Variants in EVC2 observed in about 807,000 individuals in gnomAD.
The protein encoded by EVC2 is limbin.
A neutral mutation model predicts 149.3 loss-of-function variants in EVC2; 148 were observed. That is an observed-to-expected ratio of 0.99 (90% CI 0.87 to 1.14). The LOEUF (loss-of-function observed/expected upper bound fraction) is 1.14. Ranked by LOEUF, EVC2 falls within the 50% of genes most tolerant of loss-of-function variation. The pLI, the probability that EVC2 is intolerant of heterozygous loss-of-function variation, is 0.00. For synonymous variants in EVC2, 776 were observed against 649.9 expected (o/e 1.19, Z -2.95); for missense variants, 1,854 against 1,627.3 (o/e 1.14, Z -2.40).
chr4:5,577,313 C>A (rs1722992231), intron 17 of EVC2, among the ~76,000 whole-genome samples: 1 of 152,178 alleles, frequency 6.6e-6, no homozygotes, highest in East Asian at 1.9e-4. Context: ...CATTCTTAGG[C>A]CACCAGGATT....
At chr4:5,529,500 T>G in the EVC2 span, among the ~76,000 whole-genome samples, 2 of 152,204 alleles carry the variant, frequency 1.3e-5, no homozygotes, top group South Asian at 4.1e-4. The surrounding 1 kb of genome is among the most constrained non-coding windows in gnomAD (Gnocchi z 4.5). Context: ...TTTGTTATTT[T>G]CTCACATGCC....
intron 16 of EVC2, among the ~76,000 whole-genome samples, chr4:5,598,109 G>C (rs1478526462): frequency 2.0e-5 from 3 of 149,924 alleles, no homozygotes; most frequent in Non-Finnish European, 4.5e-5. Flanking sequence ...CTCATGGGTA[G>C]GAAGAATCAA....
Position 5,691,299 on chromosome 4 carries a change from G to C in EVC2, c.485C>G (p.Ser162Cys). The C allele has an allele frequency of 6.2e-7, 1 of 1,613,588 alleles. No individual in the cohort carries two copies. The highest frequency in any genetic ancestry group is 8.5e-7 in the Non-Finnish European group (1 of 1,179,690). ...TTTCTGAAAAATTACTCCATTTTCA[G>C]AAGTCCCTTGAACTTCTCTTGAAAT... ...GDISREVQGT[S>C]ENGVIFQKCA... Residue 162 changes from serine (S) to cysteine (C), a missense_variant, in exon 4 of 22, where the codon TCT becomes TGT. By Grantham distance (112) the Ser-to-Cys change is moderately radical. Transcript: ENST00000344408.
intron 21 of EVC2, among the ~76,000 whole-genome samples, chr4:5,551,541 C>T (rs532295941): frequency 6.6e-6 from 1 of 152,160 alleles, no homozygotes; most frequent in Non-Finnish European, 1.5e-5. Flanking sequence ...ATTTTACAGG[C>T]TCATAGGTGG....
At chr4:5,655,512 T>G (rs1361696145) in intron 9 of EVC2, among the ~76,000 whole-genome samples, 1 of 152,108 alleles carries the variant, frequency 6.6e-6, no homozygotes, top group Non-Finnish European at 1.5e-5. Flanking sequence ...CTGCTGGAAA[T>G]GCCCCACGCA....
chr4:5,699,102 G>T (rs530489980), intron 1 of EVC2, among the ~76,000 whole-genome samples: 1 of 152,336 alleles, frequency 6.6e-6, no homozygotes, highest in South Asian at 2.1e-4. Context: ...TCCCCCAAAG[G>T]TGTGGAGGAG....
At chr4:5,654,945 T>G (rs1718413132) in intron 9 of EVC2, among the ~76,000 whole-genome samples, 1 of 152,132 alleles carries the variant, frequency 6.6e-6, no homozygotes, top group South Asian at 2.1e-4. Context: ...CTGCAGACAG[T>G]GGGTATTGAG....
At chr4:5,650,671 A>AGAGG (rs35334619) in intron 9 of EVC2, among the ~76,000 whole-genome samples, 117 of 102,274 alleles carry the variant, frequency 1.1e-3, no homozygotes, top group African/African-American at 4.2e-3. Flanking sequence ...AGAGAGAGAG[A>AGAGG]GCCATTTAAT....
intron 21 of EVC2, among the ~76,000 whole-genome samples, chr4:5,551,307 C>A (rs899063572): frequency 7.2e-5 from 11 of 152,190 alleles, no homozygotes; most frequent in African/African-American, 2.7e-4. Flanking sequence ...TAGAGTTGCC[C>A]AAGACTAGGG....
chr4:5,560,259 C>G (rs1721913135), downstream of EVC2, among the ~76,000 whole-genome samples: 1 of 151,970 alleles, frequency 6.6e-6, no homozygotes, highest in African/African-American at 2.4e-5. The surrounding 1 kb of genome is among the most constrained non-coding windows in gnomAD (Gnocchi z 4.1). Context: ...CAGCCTTCAC[C>G]TAGAATGGCA....
chr4:5,530,481 C>A, the EVC2 span, among the ~76,000 whole-genome samples: 1 of 122,386 alleles, frequency 8.2e-6, no homozygotes, highest in African/African-American at 2.8e-5. Context: ...ATGACAACTA[C>A]AGTCAAACAA....
intron 16 of EVC2, among the ~76,000 whole-genome samples, chr4:5,603,598 G>C (rs1166487039): frequency 6.6e-6 from 1 of 152,242 alleles, no homozygotes; most frequent in African/African-American, 2.4e-5. Context: ...CAAGGCAGCT[G>C]CAGAAACAGA....
At chr4:5,666,273 T>C (rs1434338959) in intron 7 of EVC2, among the ~76,000 whole-genome samples, 1 of 137,788 alleles carries the variant, frequency 7.3e-6, no homozygotes, top group Non-Finnish European at 1.6e-5. Context: ...TTATTGTTTA[T>C]AGGTTAATCC....
intron 15 of EVC2, among the ~76,000 whole-genome samples, chr4:5,617,924 C>T (rs770184856): frequency 6.6e-6 from 1 of 152,150 alleles, no homozygotes; most frequent in Non-Finnish European, 1.5e-5. Context: ...TGAGCCTAAA[C>T]TGGTCCCTGG....
At chr4:5,628,296 G>T (rs1169904621) in intron 12 of EVC2, among the ~76,000 whole-genome samples, 3 of 151,894 alleles carry the variant, frequency 2.0e-5, no homozygotes, top group African/African-American at 7.2e-5. Flanking sequence ...CTCATGAATG[G>T]ATTAATGCCA....
chr4:5,584,594 C>G (rs751533331), intron 17 of EVC2, 29 bp downstream of exon 17: 4 of 1,603,516 alleles, frequency 2.5e-6, no homozygotes, highest in Non-Finnish European at 3.4e-6. Context: ...CAGCTCTGTC[C>G]CCCTCTCCTT....
chr4:5,595,074 G>C (rs1271112995), intron 16 of EVC2, among the ~76,000 whole-genome samples: 1 of 152,208 alleles, frequency 6.6e-6, no homozygotes. Flanking sequence ...TATGTGAAAA[G>C]ACCAAATGTA....
intron 13 of EVC2, among the ~76,000 whole-genome samples, chr4:5,624,839 G>T (rs1177914237): frequency 6.6e-6 from 1 of 152,074 alleles, no homozygotes; most frequent in Non-Finnish European, 1.5e-5. Context: ...AGTTTCTATT[G>T]ATCAAATTTG....
chr4:5,550,587 G>A (rs1340217581), intron 21 of EVC2, among the ~76,000 whole-genome samples: 3 of 152,200 alleles, frequency 2.0e-5, no homozygotes, highest in African/African-American at 2.4e-5. Context: ...TGGAAAATTT[G>A]CAGCCTGAGA....
Sources: allele counts gnomAD v4.1 joint callset (sites outside exome capture counted in the v4.1 genomes callset), GRCh38; gene constraint gnomAD v4.1.1; non-coding constraint Gnocchi (gnomAD v3.1); transcripts MANE v1.5; gene names NCBI Gene and HGNC (gene_info 2026-07-23, HGNC 2026-07-21).